SPATS2: variants seen among roughly 807,000 people sequenced by gnomAD.
SPATS2 encodes the protein spermatogenesis associated serine rich 2, also known as spermatogenesis-associated serine-rich protein 2.
A neutral mutation model predicts 63.7 loss-of-function variants in SPATS2; 38 were observed. The ratio of observed to expected loss-of-function variants is 0.60; its 90% CI spans 0.46 to 0.78. The LOEUF is 0.78. Among genes scored for constraint, SPATS2 ranks in the 30% least tolerant of loss-of-function variants. The pLI, the probability that SPATS2 is intolerant of heterozygous loss-of-function variation, is 0.00. For synonymous variants in SPATS2, 207 were observed against 232.9 expected (o/e 0.89, Z 1.01); for missense variants, 588 against 666.2 (o/e 0.88, Z 1.29).
chr12:49,412,715 T>TA (rs901088148), intron 2 of SPATS2, among the ~76,000 whole-genome samples: 2 of 150,862 alleles, frequency 1.3e-5, no homozygotes, highest in Non-Finnish European at 2.9e-5. Flanking sequence ...CACACTGTAC[T>TA]ACTACAGCCT....
At chr12:49,471,700 A>G (rs1202969515) in intron 3 of SPATS2, among the ~76,000 whole-genome samples, 2 of 152,212 alleles carry the variant, frequency 1.3e-5, no homozygotes, top group Admixed American at 6.5e-5. Flanking sequence ...TTGTTGTACA[A>G]CCATTACTGT....
At chr12:49,482,131 A>T (rs1946217162) in intron 3 of SPATS2, among the ~76,000 whole-genome samples, 1 of 152,248 alleles carries the variant, frequency 6.6e-6, no homozygotes, top group Admixed American at 6.5e-5. Flanking sequence ...TCAGCTAGTG[A>T]GTAGACAAAT....
At chr12:49,458,221 A>T (rs984608577) in intron 2 of SPATS2, among the ~76,000 whole-genome samples, 2 of 152,020 alleles carry the variant, frequency 1.3e-5, no homozygotes, top group African/African-American at 4.8e-5. Flanking sequence ...GTAATCCCAC[A>T]CTTCAGGAGG....
intron 2 of SPATS2, among the ~76,000 whole-genome samples, chr12:49,450,025 C>G (rs1945590033): frequency 6.6e-6 from 1 of 152,046 alleles, no homozygotes; most frequent in African/African-American, 2.4e-5. Context: ...TGTCATGACT[C>G]TCTTATAATA....
intron 8 of SPATS2, among the ~76,000 whole-genome samples, chr12:49,497,407 TC>T (rs763459132): frequency 4.7e-5 from 7 of 149,374 alleles, no homozygotes; most frequent in Admixed American, 1.3e-4. Flanking sequence ...TTTTTTTTTT[TC>T]CCCCGAGACT....
chr12:49,367,346 G>C (rs1201756974), upstream of SPATS2: 6 of 391,120 alleles, frequency 1.5e-5, no homozygotes, highest in Non-Finnish European at 2.7e-5. Context: ...CGAGGGTCGG[G>C]GTGATCTGCT....
At position 49,441,474 on chromosome 12, in the gene SPATS2, T is replaced by C. The variant is rs79853406; in HGVS notation, c.-243-19296T>C. 4.6e-3 allele frequency among the ~76,000 whole-genome samples: 702 copies of C among 152,328 alleles called. 2 individuals are homozygous for C. The highest frequency in any genetic ancestry group is 8.0e-3 in the Non-Finnish European group (545 of 68,026). On this transcript the variant is annotated intron_variant, in intron 2 of 13. Coordinates refer to ENST00000552918, the MANE Select transcript of SPATS2 (RefSeq NM_023071.4). ...CCTTAAGTGGGCTGTCTTCCCCCTC[T>C]TTTAGAAAGAGAAGTAGATATGTTC...
chr12:49,498,819 G>T, intron 8 of SPATS2, among the ~76,000 whole-genome samples: 11 of 138,252 alleles, frequency 8.0e-5, no homozygotes, highest in African/African-American at 2.0e-4. Flanking sequence ...TTGAGATGGA[G>T]TTTCACTCTT....
chr12:49,454,755 C>G (rs537152604), intron 2 of SPATS2, among the ~76,000 whole-genome samples: 3 of 151,910 alleles, frequency 2.0e-5, no homozygotes, highest in Non-Finnish European at 4.4e-5. Flanking sequence ...TGGTGGTATG[C>G]GCCTGTAGCC....
intron 9 of SPATS2, among the ~76,000 whole-genome samples, chr12:49,500,899 C>A (rs1357240787): frequency 6.6e-6 from 1 of 152,150 alleles, no homozygotes; most frequent in South Asian, 2.1e-4. Flanking sequence ...CTTCTTCCAT[C>A]CTTTTTAATT....
At chr12:49,378,225 C>A (rs185532817) in intron 2 of SPATS2, among the ~76,000 whole-genome samples, 3 of 152,020 alleles carry the variant, frequency 2.0e-5, no homozygotes, top group African/African-American at 4.8e-5. Flanking sequence ...CCCGCCTCGG[C>A]CTCCCAAAGT....
chr12:49,392,846 G>GT (rs1565699661), intron 2 of SPATS2, among the ~76,000 whole-genome samples: 2 of 151,890 alleles, frequency 1.3e-5, no homozygotes, highest in African/African-American at 4.8e-5. Flanking sequence ...GAGGTCAGGA[G>GT]TTTGAGACCA....
At chr12:49,504,809 A>C (rs12311910) in intron 9 of SPATS2, among the ~76,000 whole-genome samples, 1,969 of 122,254 alleles carry the variant, frequency 0.016, 43 homozygotes, top group African/African-American at 0.058. Context: ...GTCTCTGTTG[A>C]CCATACTGGA....
intron 10 of SPATS2, among the ~76,000 whole-genome samples, chr12:49,515,985 C>G (rs928789956): frequency 6.6e-6 from 1 of 150,412 alleles, no homozygotes; most frequent in African/African-American, 2.4e-5. Context: ...ACTAAAAATA[C>G]AAAAATTAGC....
At chr12:49,445,888 G>A (rs1476277003) in intron 2 of SPATS2, among the ~76,000 whole-genome samples, 1 of 151,866 alleles carries the variant, frequency 6.6e-6, no homozygotes, top group African/African-American at 2.4e-5. Flanking sequence ...TTGATCTGTA[G>A]TGTTTTTTTG....
intron 2 of SPATS2, among the ~76,000 whole-genome samples, chr12:49,459,929 C>G (rs1945791307): frequency 2.2e-5 from 3 of 134,832 alleles, no homozygotes; most frequent in South Asian, 4.8e-4. Context: ...TGGTGAAACC[C>G]TGTCTCTACT....
intron 2 of SPATS2, among the ~76,000 whole-genome samples, chr12:49,431,515 T>C (rs1945186046): frequency 6.6e-6 from 1 of 152,208 alleles, no homozygotes. Flanking sequence ...CCCAAAGTGC[T>C]GGGAATTCAG....
intron 9 of SPATS2, among the ~76,000 whole-genome samples, chr12:49,513,903 T>A (rs1166682433): frequency 1.3e-5 from 2 of 152,094 alleles, no homozygotes; most frequent in East Asian, 3.9e-4. Context: ...ACACCTGTAA[T>A]CCCAGCACTT....
intron 11 of SPATS2, 75 bp downstream of exon 11, chr12:49,519,257 C>A (rs1455032589): frequency 8.4e-6 from 10 of 1,190,466 alleles, no homozygotes; most frequent in Non-Finnish European, 1.1e-5. Context: ...TAATTCATGG[C>A]CATATCTAAT....
Sources: gnomAD v4.1 joint callset for allele counts (sites outside exome capture counted in the v4.1 genomes callset) on GRCh38, gnomAD v4.1.1 for gene constraint, MANE v1.5 for transcripts, NCBI Gene and HGNC (gene_info 2026-07-23, HGNC 2026-07-21) for gene names.